Variants in CCSER1 observed in about 807,000 individuals in gnomAD.
CCSER1 encodes serine-rich coiled-coil domain-containing protein 1.
Under a neutral mutation model 82.0 loss-of-function variants are expected in CCSER1, and 41 were observed. The ratio of observed to expected loss-of-function variants is 0.50; its 90% CI spans 0.39 to 0.65. The LOEUF is 0.65. Ranked by LOEUF, CCSER1 falls within the 30% of genes least tolerant of loss-of-function variation. The pLI is 0.00. For synonymous variants in CCSER1, 414 were observed against 383.9 expected (o/e 1.08, Z -0.92); for missense variants, 1,119 against 1,064.2 (o/e 1.05, Z -0.72).
At chr4:90,404,671 C>G (rs34894516) in intron 4 of CCSER1, among the ~76,000 whole-genome samples, 42,665 of 152,064 alleles carry the variant, frequency 0.28, 9,374 homozygotes, top group African/African-American at 0.61. Flanking sequence ...AAGACCTGAA[C>G]ATGGATCTCA....
chr4:90,390,063 G>A (rs1430579948), intron 3 of CCSER1, among the ~76,000 whole-genome samples: 1 of 152,096 alleles, frequency 6.6e-6, no homozygotes, highest in Non-Finnish European at 1.5e-5. Context: ...TTGAGAAAAG[G>A]GGATACACTC....
intron 5 of CCSER1, among the ~76,000 whole-genome samples, chr4:90,521,279 G>A (rs1446738075): frequency 6.6e-6 from 1 of 152,082 alleles, no homozygotes; most frequent in Non-Finnish European, 1.5e-5. Flanking sequence ...CAATTAGTAA[G>A]GAAAAAGTAA....
chr4:91,148,185 G>T (rs2148945397), intron 10 of CCSER1, among the ~76,000 whole-genome samples: 1 of 152,212 alleles, frequency 6.6e-6, no homozygotes, highest in African/African-American at 2.4e-5. Flanking sequence ...AACCCTTAAA[G>T]ATAATTTTTA....
chr4:91,375,650 A>G (rs1046707435), intron 10 of CCSER1, among the ~76,000 whole-genome samples: 22 of 152,052 alleles, frequency 1.4e-4, no homozygotes, highest in African/African-American at 5.3e-4. Context: ...TCTCACTTCA[A>G]TGATAGAAAC....
At chr4:90,395,650 G>A (rs868851613) in intron 3 of CCSER1, among the ~76,000 whole-genome samples, 3 of 150,050 alleles carry the variant, frequency 2.0e-5, no homozygotes, top group African/African-American at 7.4e-5. Context: ...TACTTGCTAT[G>A]TGCTCTTATG....
At chr4:90,875,072 G>A (rs74931491) in intron 8 of CCSER1, among the ~76,000 whole-genome samples, 1,926 of 151,900 alleles carry the variant, frequency 0.013, 34 homozygotes, top group African/African-American at 0.044. Context: ...AACAACAACA[G>A]CAAGAACAAC....
chr4:91,212,816 G>T (rs1339920231), intron 10 of CCSER1, among the ~76,000 whole-genome samples: 1 of 152,040 alleles, frequency 6.6e-6, no homozygotes, highest in Admixed American at 6.6e-5. Flanking sequence ...GAGGTTTGGG[G>T]ATATGAATGA....
At chr4:91,118,284 C>CTTTTT (rs1251894474) in intron 10 of CCSER1, among the ~76,000 whole-genome samples, 4 of 123,232 alleles carry the variant, frequency 3.2e-5, no homozygotes, top group African/African-American at 1.2e-4. Flanking sequence ...GTTATGGAGA[C>CTTTTT]TTTTTTTTTT....
chr4:90,730,236 G>C (rs1353489816), intron 7 of CCSER1, among the ~76,000 whole-genome samples: 1 of 152,184 alleles, frequency 6.6e-6, no homozygotes, highest in South Asian at 2.1e-4. Context: ...AACATCATCT[G>C]TTGTGTATCC....
intron 7 of CCSER1, among the ~76,000 whole-genome samples, chr4:90,788,339 C>A (rs1754792634): frequency 6.6e-6 from 1 of 151,860 alleles, no homozygotes; most frequent in Admixed American, 6.6e-5. Context: ...CTAAGGCTGT[C>A]AAAAAAAGTA....
chr4:91,216,342 C>T (rs1737236925), intron 10 of CCSER1, among the ~76,000 whole-genome samples: 1 of 152,158 alleles, frequency 6.6e-6, no homozygotes, highest in Non-Finnish European at 1.5e-5. Context: ...TTGTTTGAGA[C>T]AGAGTCTCGC....
intron 5 of CCSER1, among the ~76,000 whole-genome samples, chr4:90,621,606 T>C (rs1305356536): frequency 1.3e-5 from 2 of 152,140 alleles, no homozygotes; most frequent in Non-Finnish European, 2.9e-5. Flanking sequence ...AATATATGGG[T>C]CATCTCATTT....
At chr4:91,483,154 G>A (rs1758038306) in intron 10 of CCSER1, among the ~76,000 whole-genome samples, 1 of 151,792 alleles carries the variant, frequency 6.6e-6, no homozygotes. Flanking sequence ...AAAAGAATTA[G>A]TAAATGTAAA....
At chr4:91,072,107 T>A (rs1220485913) in intron 9 of CCSER1, among the ~76,000 whole-genome samples, 1 of 152,098 alleles carries the variant, frequency 6.6e-6, no homozygotes, top group African/African-American at 2.4e-5. Flanking sequence ...TCATAAAATA[T>A]GATGACCCAA....
At position 91,046,082 on chromosome 4, in the gene CCSER1, T is replaced by C. The variant is rs368242504; in HGVS notation, c.2173-39868T>C. Among the ~76,000 whole-genome samples the C allele has an allele frequency of 3.4e-4, 51 of 152,200 alleles. 2 individuals carry two copies. In the South Asian group the frequency reaches 7.9e-3, roughly 24 times the overall value. On this transcript the variant is annotated intron_variant, in intron 9 of 10. Coordinates refer to ENST00000509176, the MANE Select transcript of CCSER1 (RefSeq NM_001145065.2). Reference sequence around the variant, plus strand: ...GGCAGGAACCGGCCATTTTCACTTATTTTGTGATTCTTCACTTGCTTCAGG... The same window carrying C: ...GGCAGGAACCGGCCATTTTCACTTACTTTGTGATTCTTCACTTGCTTCAGG...
chr4:91,575,165 C>A (rs1763388905), intron 10 of CCSER1, among the ~76,000 whole-genome samples: 1 of 151,698 alleles, frequency 6.6e-6, no homozygotes, highest in Admixed American at 6.6e-5. Flanking sequence ...TATCCATGTG[C>A]AAGTAAAAAG....
chr4:91,073,705 T>G lies in CCSER1; in HGVS notation c.2173-12245T>G, dbSNP rs184713694. On this transcript the variant is annotated intron_variant, in intron 9 of 10. Transcript: ENST00000509176. Reference sequence around the variant, plus strand: ...AGGCTGACAATAGGTGTGTAAGCTGTGTTCAAAGTTTTTTGGAATTTTTTA... The same window carrying G: ...AGGCTGACAATAGGTGTGTAAGCTGGGTTCAAAGTTTTTTGGAATTTTTTA... 3.3e-3 allele frequency among the ~76,000 whole-genome samples: 509 copies of G among 152,252 alleles called. 1 individual carries two copies. The highest frequency in any genetic ancestry group is 5.2e-3 in the Non-Finnish European group (351 of 68,006).
Position 90,639,376 on chromosome 4 carries a change from A to G in CCSER1, c.1932+11144A>G, listed in dbSNP as rs569669034. On this transcript the variant is annotated intron_variant, in intron 6 of 10. Transcript: ENST00000509176. ...ACTATCTAAAACTAAAACTAGAAGG[A>G]TTATTGCCATTTATGCTTTTCTGGA... 1.0e-3 allele frequency among the ~76,000 whole-genome samples: 152 copies of G among 152,138 alleles called. 1 individual carries two copies. The highest frequency in any genetic ancestry group is 1.7e-3 in the Non-Finnish European group (116 of 67,952).
At position 90,309,029 on chromosome 4, in the gene CCSER1, G is replaced by A; in HGVS notation, c.745G>A (p.Ala249Thr). 1 of 1,613,800 alleles carries A rather than the reference G, an allele frequency of 6.2e-7. No individual in the cohort carries two copies. Among genetic ancestry groups the A allele is most frequent in the South Asian group, 1.1e-5 (1 of 91,070 alleles). Residue 249 changes from alanine to threonine, a missense_variant, in exon 2 of 11, where the codon GCT (alanine) becomes ACT (threonine). Physicochemically the swap from Ala to Thr is moderately conservative, Grantham distance 58 (BLOSUM62 0). Coordinates refer to ENST00000509176, the MANE Select transcript of CCSER1 (RefSeq NM_001145065.2). ...CTCTTTACAATCTCCTTTGCTTTCT[G>A]CTGATCTTACCACAGCTCAGACACC... ...GSSLQSPLLS[A>T]DLTTAQTPSE...
Sources: gnomAD v4.1 joint callset for allele counts (sites outside exome capture counted in the v4.1 genomes callset) on GRCh38, gnomAD v4.1.1 for gene constraint, MANE v1.5 for transcripts, NCBI Gene and HGNC (gene_info 2026-07-23, HGNC 2026-07-21) for gene names.